Variants in USP10 observed in about 807,000 individuals in gnomAD.
The protein encoded by USP10 is ubiquitin carboxyl-terminal hydrolase 10.
USP10 carries 22 observed loss-of-function variants against 84.5 expected under a neutral mutation model. The ratio of observed to expected loss-of-function variants is 0.26; its 90% CI spans 0.19 to 0.37. USP10 has a LOEUF of 0.37. Ranked by LOEUF, USP10 falls within the 10% of genes least tolerant of loss-of-function variation. The pLI is 1.00. For synonymous variants in USP10, 454 were observed against 387.6 expected, an observed-to-expected ratio of 1.17 and a Z score of -2.01; for missense variants, 1,019 against 998.9, an observed-to-expected ratio of 1.02 and a Z score of -0.27.
chr16:84,772,385 C>A (rs747186966), intron 11 of USP10, among the ~76,000 whole-genome samples, 156 bp from the exon 12 acceptor site: 13 of 152,168 alleles, frequency 8.5e-5, no homozygotes, highest in Non-Finnish European at 1.6e-4. Flanking sequence ...ATTGGTAGAT[C>A]TCAGAGCTTC....
At chr16:84,704,902 C>G (rs1250861713) in intron 1 of USP10, 2 of 1,535,604 alleles carry the variant, frequency 1.3e-6, no homozygotes, top group African/African-American at 1.4e-5. Context: ...GCTGTTACAG[C>G]CTGAATTCCT....
At chr16:84,768,080 T>C (rs1272326482) in intron 10 of USP10, 113 bp from the exon 11 acceptor site, 3 of 1,237,970 alleles carry the variant, frequency 2.4e-6, no homozygotes, top group Non-Finnish European at 3.3e-6. Context: ...CTGTGGTCTT[T>C]TGAAAGTGAT....
At chr16:84,768,888 G>A (rs1475071247) in intron 11 of USP10, among the ~76,000 whole-genome samples, 4 of 152,190 alleles carry the variant, frequency 2.6e-5, no homozygotes, top group African/African-American at 9.7e-5. Context: ...GAGTCTTTCA[G>A]TCTTCATGAA....
chr16:84,772,715 G>A (rs756871723), intron 12 of USP10, 30 bp downstream of exon 12: 37 of 1,611,372 alleles, frequency 2.3e-5, no homozygotes, highest in Non-Finnish European at 2.7e-5. Flanking sequence ...GGGAGTGTTC[G>A]TGGTGACACA....
In USP10 at chr16:84,711,909, G is replaced by A. The variant is rs550122122; in HGVS notation, c.21+11798G>A. 1.2e-4 allele frequency among the ~76,000 whole-genome samples: 19 copies of A among 152,014 alleles called. No homozygotes were observed. In the South Asian group the frequency reaches 3.9e-3, roughly 32 times the overall value. On this transcript the variant is annotated intron_variant, in intron 1 of 13. Coordinates refer to ENST00000219473, the MANE Select transcript of USP10 (RefSeq NM_005153.3). Reference sequence around the variant, plus strand: ...TAATTTTTGTATTTTTAGCAGAGACGGGGTTTCACCATGTTGGCCAGGCTG... The same window carrying A: ...TAATTTTTGTATTTTTAGCAGAGACAGGGTTTCACCATGTTGGCCAGGCTG...
At chr16:84,747,989 A>C (rs1284080058) in intron 4 of USP10, among the ~76,000 whole-genome samples, 3 of 151,198 alleles carry the variant, frequency 2.0e-5, no homozygotes, top group African/African-American at 7.3e-5. Context: ...CGTCTCTACT[A>C]AAAAAAACCT....
At chr16:84,726,312 C>A (rs997441794) in intron 1 of USP10, among the ~76,000 whole-genome samples, 2 of 152,250 alleles carry the variant, frequency 1.3e-5, no homozygotes, top group African/African-American at 4.8e-5. Context: ...GCAGGTTGTG[C>A]AAGTGAACAT....
At chr16:84,706,112 C>T (rs2150754064) in intron 1 of USP10, among the ~76,000 whole-genome samples, 1 of 152,224 alleles carries the variant, frequency 6.6e-6, no homozygotes, top group Non-Finnish European at 1.5e-5. Context: ...GAACTCCTGG[C>T]CTCAAGGGAT....
chr16:84,729,945 G>T (rs1275804466), intron 1 of USP10, among the ~76,000 whole-genome samples: 1 of 152,174 alleles, frequency 6.6e-6, no homozygotes, highest in African/African-American at 2.4e-5. Context: ...TTGTCAATGA[G>T]CTCTTGAAAC....
At chr16:84,776,633 C>T (rs542840149) in intron 13 of USP10, among the ~76,000 whole-genome samples, 6 of 152,266 alleles carry the variant, frequency 3.9e-5, no homozygotes, top group African/African-American at 1.4e-4. Flanking sequence ...TCTCCCTGCA[C>T]CTCTTCCCCT....
chr16:84,735,134 G>A (rs1309001893), intron 2 of USP10, among the ~76,000 whole-genome samples: 1 of 151,696 alleles, frequency 6.6e-6, no homozygotes, highest in Non-Finnish European at 1.5e-5. Context: ...CGCCTCAGGG[G>A]GGTTCTCATG....
Position 84,745,498 on chromosome 16 carries a change from C to G in USP10, c.1017C>G (p.Pro339=). The part of the protein sequence containing the change: ...SASGTLPVSQ[P]KSWASLFHDS... ...CAGGCACCCTTCCTGTCAGCCAGCC[C>G]AAGTCCTGGGCCAGCCTCTTTCATG... Residue 339 remains proline (P), a synonymous_variant, in exon 4 of 14, where the codon CCC becomes CCG. Transcript: ENST00000219473. The G allele has an allele frequency of 1.9e-6, 3 of 1,613,560 alleles. No individual in the cohort carries two copies. Among genetic ancestry groups the G allele is most frequent in the Non-Finnish European group, 2.5e-6 (3 of 1,179,646 alleles).
chr16:84,764,019 C>T (rs1234737149), intron 9 of USP10, 67 bp from the exon 10 acceptor site: 1 of 1,497,288 alleles, frequency 6.7e-7, no homozygotes, highest in South Asian at 1.3e-5. Flanking sequence ...ATCGACAGAT[C>T]TGTGCCTTTT....
chr16:84,756,838 A>T (rs1169117940), intron 4 of USP10, among the ~76,000 whole-genome samples: 1 of 152,198 alleles, frequency 6.6e-6, no homozygotes, highest in Non-Finnish European at 1.5e-5. Context: ...TGTTGTGATG[A>T]TATGGTTTAA....
chr16:84,775,275 G>A, intron 13 of USP10, 50 bp downstream of exon 13: 2 of 1,576,646 alleles, frequency 1.3e-6, no homozygotes, highest in Non-Finnish European at 1.7e-6. Context: ...CTGATGAAGG[G>A]GTTTACAGCT....
intron 1 of USP10, among the ~76,000 whole-genome samples, chr16:84,706,230 T>C (rs1466922830): frequency 3.3e-5 from 5 of 151,954 alleles, no homozygotes; most frequent in African/African-American, 1.2e-4. Flanking sequence ...TGATAGGACA[T>C]GTTGAAGTTT....
intron 1 of USP10, among the ~76,000 whole-genome samples, chr16:84,705,848 T>G (rs938253710): frequency 1.3e-5 from 2 of 151,260 alleles, no homozygotes; most frequent in African/African-American, 2.4e-5. Context: ...GTCTCTCAAG[T>G]AGCTGGGATT....
At chr16:84,749,179 C>T (rs149215350) in intron 4 of USP10, among the ~76,000 whole-genome samples, 76 of 152,196 alleles carry the variant, frequency 5.0e-4, no homozygotes, top group African/African-American at 1.7e-3. Flanking sequence ...TTGTTTTATT[C>T]TCCTACTTAG....
At chr16:84,767,445 C>G (rs1913984912) in intron 10 of USP10, among the ~76,000 whole-genome samples, 1 of 152,208 alleles carries the variant, frequency 6.6e-6, no homozygotes, top group South Asian at 2.1e-4. Flanking sequence ...GTTTTTTATT[C>G]TACACACCCT....
Sources: gnomAD v4.1 joint callset for allele counts (sites outside exome capture counted in the v4.1 genomes callset) on GRCh38, gnomAD v4.1.1 for gene constraint, MANE v1.5 for transcripts, NCBI Gene and HGNC (gene_info 2026-07-23, HGNC 2026-07-21) for gene names.